The following MBNL2 variants were observed in gnomAD, a reference collection of about 807,000 sequenced individuals.
MBNL2 encodes muscleblind like splicing regulator 2.
In MBNL2, 17 loss-of-function variants were observed where a neutral mutation model predicts 41.9. The observed-to-expected ratio is 0.41, with a 90% CI of 0.28 to 0.61. The LOEUF (loss-of-function observed/expected upper bound fraction) is 0.61. Ranked by LOEUF, MBNL2 falls within the 20% of genes least tolerant of loss-of-function variation. The probability of loss-of-function intolerance (pLI) is 0.35; values close to 1 mark genes in which losing one functional copy is unlikely to be tolerated. For missense variants in MBNL2, 336 were observed against 505.6 expected (o/e 0.66, Z 3.22); for synonymous variants, 195 against 182.9 (o/e 1.07, Z -0.53).
Position 97,343,164 on chromosome 13 carries a change from C to T in MBNL2, c.488C>T (p.Thr163Ile). 6.2e-7 allele frequency: 1 copy of T among 1,613,780 alleles called. No homozygotes were observed. The highest frequency in any genetic ancestry group is 8.5e-7 in the Non-Finnish European group (1 of 1,179,872). Residue 163 changes from threonine to isoleucine, a missense_variant, in exon 4 of 9, where the codon ACT becomes ATT. Physicochemically the swap from Thr to Ile is moderately conservative, Grantham distance 89. Coordinates refer to ENST00000679496, the MANE Select transcript of MBNL2 (RefSeq NM_001382683.1). ...PVIVPGSPPV[T>I]VPGSTATQKL... ...ATTGTTCCCGGAAGTCCACCGGTCA[C>T]TGTCCCGGGCTCAACTGCAACTCAG...
chr13:97,374,737 AAGTCATATTCCC>A (rs557711550), intron 8 of MBNL2, among the ~76,000 whole-genome samples: 79 of 152,162 alleles, frequency 5.2e-4, no homozygotes, highest in African/African-American at 1.8e-3. Context: ...ATAGGCTGAA[AAGTCATATTCCC>A]AGTCGTATTT....
intron 1 of MBNL2, among the ~76,000 whole-genome samples, chr13:97,243,771 T>C (rs939012196): frequency 3.9e-5 from 6 of 152,218 alleles, no homozygotes; most frequent in African/African-American, 1.4e-4. Flanking sequence ...AGAGCTAAAT[T>C]TGCCAGCAAA....
chr13:97,300,485 A>G (rs945288304), intron 2 of MBNL2, among the ~76,000 whole-genome samples: 1 of 152,152 alleles, frequency 6.6e-6, no homozygotes, highest in Non-Finnish European at 1.5e-5. Flanking sequence ...GACTCCCCAC[A>G]TGCGCAGTTC....
At chr13:97,201,831 G>C in the MBNL2 span, among the ~76,000 whole-genome samples, 3 of 152,236 alleles carry the variant, frequency 2.0e-5, no homozygotes, top group Non-Finnish European at 4.4e-5. Flanking sequence ...TCTGCCACAT[G>C]GAGAAATATA....
In MBNL2 at chr13:97,371,151, AT is replaced by A. The variant is rs529127996; in HGVS notation, c.1048+5986del. On this transcript the variant is annotated intron_variant, in intron 8 of 8. Coordinates refer to ENST00000679496, the MANE Select transcript of MBNL2 (RefSeq NM_001382683.1). ...TATTCTAAGTTGTAATTTGTTTAGT[AT>A]TTTTTATTTCAAAGTTACATTCTAT... is the stretch of plus-strand genomic sequence containing the variant. Among the ~76,000 whole-genome samples the A allele has an allele frequency of 6.2e-4, 95 of 152,304 alleles. 2 individuals are homozygous for A. The highest frequency in any genetic ancestry group is 3.6e-3 in the Admixed American group (55 of 15,302).
chr13:97,329,048 G>A (rs1280548958), intron 2 of MBNL2, among the ~76,000 whole-genome samples: 1 of 152,098 alleles, frequency 6.6e-6, no homozygotes, highest in African/African-American at 2.4e-5. Context: ...GCACCAATCT[G>A]TTGTTCTGTC....
At chr13:97,217,133 C>T (rs2040447591), upstream of MBNL2, among the ~76,000 whole-genome samples, 1 of 148,388 alleles carries the variant, frequency 6.7e-6, no homozygotes. Context: ...ATATATAGTA[C>T]ACATATTATA....
intron 1 of MBNL2, among the ~76,000 whole-genome samples, chr13:97,229,935 A>G (rs1227814338): frequency 1.3e-5 from 2 of 152,208 alleles, no homozygotes; most frequent in African/African-American, 4.8e-5. Flanking sequence ...AGCATGACAA[A>G]TGAAGGAGAA....
Position 97,302,658 on chromosome 13 carries a change from A to G in MBNL2, c.174+26249A>G, listed in dbSNP as rs539645619. On this transcript the variant is annotated intron_variant, in intron 2 of 8. Coordinates refer to ENST00000679496, the MANE Select transcript of MBNL2 (RefSeq NM_001382683.1). ...GGCAGAGTTGAGTTTGATCCTGATA[A>G]TTTCAATCCAAACACAATGGGTGTA... Among the ~76,000 whole-genome samples, 10 of 152,288 alleles carry G rather than the reference A, an allele frequency of 6.6e-5. No individual in the cohort carries two copies. In the South Asian group the frequency reaches 2.1e-3, roughly 32 times the overall value.
chr13:97,185,107 G>A, the MBNL2 span, among the ~76,000 whole-genome samples: 1 of 152,052 alleles, frequency 6.6e-6, no homozygotes. Flanking sequence ...ATATTCAACA[G>A]AGTGTTCATA....
chr13:97,243,692 TTC>T (rs1403589622), intron 1 of MBNL2, among the ~76,000 whole-genome samples: 2 of 152,222 alleles, frequency 1.3e-5, no homozygotes, highest in African/African-American at 2.4e-5. Flanking sequence ...ATTTAACAGT[TTC>T]TTTTTCTTTT....
chr13:97,342,234 T>G (rs2061499088), intron 3 of MBNL2, among the ~76,000 whole-genome samples: 1 of 152,212 alleles, frequency 6.6e-6, no homozygotes, highest in Non-Finnish European at 1.5e-5. Context: ...ACTAGCATAT[T>G]TCTTCTTATT....
At chr13:97,333,968 AAGGGAGGG>A (rs71733629) in intron 2 of MBNL2, among the ~76,000 whole-genome samples, 4 of 124,406 alleles carry the variant, frequency 3.2e-5, no homozygotes, top group East Asian at 2.5e-4. Flanking sequence ...GGAAGGAAGG[AAGGGAGGG>A]AGGGAGGGAG....
chr13:97,206,187 C>T, the MBNL2 span, among the ~76,000 whole-genome samples: 1 of 152,142 alleles, frequency 6.6e-6, no homozygotes, highest in Non-Finnish European at 1.5e-5. Context: ...AAAATTTACT[C>T]CCCTGTCTGA....
rs189939084 is a variant in MBNL2 at position 97,365,898 on chromosome 13, G to A, written c.1048+727G>A. On this transcript the variant is annotated intron_variant, in intron 8 of 8. Coordinates refer to ENST00000679496, the MANE Select transcript of MBNL2 (RefSeq NM_001382683.1). ...AATTTGCATCAAGGCTATGATGTTTGCTCCATCATTTATTGATTCAAATAA... is the reference window on the plus strand; with the variant it reads ...AATTTGCATCAAGGCTATGATGTTTACTCCATCATTTATTGATTCAAATAA... 1.8e-3 allele frequency among the ~76,000 whole-genome samples: 280 copies of A among 152,144 alleles called. 1 individual carries two copies. Among genetic ancestry groups the A allele is most frequent in the African/African-American group, 6.3e-3 (263 of 41,498 alleles).
chr13:97,248,757 G>A (rs2045969977), intron 1 of MBNL2, among the ~76,000 whole-genome samples: 1 of 152,188 alleles, frequency 6.6e-6, no homozygotes, highest in South Asian at 2.1e-4. Context: ...AAGAAAAGGT[G>A]GGACAAAATC....
chr13:97,341,569 C>T (rs1342023470), intron 3 of MBNL2, among the ~76,000 whole-genome samples: 2 of 152,148 alleles, frequency 1.3e-5, no homozygotes, highest in African/African-American at 4.8e-5. Flanking sequence ...CCTCATATTG[C>T]AACTTTCTCC....
intron 5 of MBNL2, among the ~76,000 whole-genome samples, chr13:97,349,348 A>T (rs144236134): frequency 5.3e-5 from 8 of 152,258 alleles, no homozygotes; most frequent in African/African-American, 1.7e-4. Context: ...CACAAATGAG[A>T]TCTTTTACAC....
chr13:97,373,361 G>A (rs2064582141), intron 8 of MBNL2, among the ~76,000 whole-genome samples: 1 of 151,942 alleles, frequency 6.6e-6, no homozygotes, highest in Non-Finnish European at 1.5e-5. Context: ...TCAGATGAGG[G>A]AGAATTGCCA....
Sources: allele counts gnomAD v4.1 joint callset (sites outside exome capture counted in the v4.1 genomes callset), GRCh38; gene constraint gnomAD v4.1.1; transcripts MANE v1.5; gene names NCBI Gene and HGNC (gene_info 2026-07-23, HGNC 2026-07-21).